The following CDK14 variants were observed in gnomAD, a reference collection of about 807,000 sequenced individuals.
CDK14 encodes the protein cyclin-dependent kinase 14.
CDK14 carries 34 observed loss-of-function variants against 60.7 expected under a neutral mutation model. The ratio of observed to expected loss-of-function variants is 0.56; its 90% CI spans 0.43 to 0.75. The LOEUF (loss-of-function observed/expected upper bound fraction) is 0.75, where lower values mean the gene tolerates loss of function less well. CDK14 is among the 30% of genes least tolerant of loss of function. The pLI is 0.00. For synonymous variants in CDK14, 197 were observed against 203.7 expected, an observed-to-expected ratio of 0.97 and a Z score of 0.28; for missense variants, 482 against 564.1, an observed-to-expected ratio of 0.85 and a Z score of 1.47.
At chr7:90,760,286 TG>T (rs1450717660) in intron 4 of CDK14, among the ~76,000 whole-genome samples, 3 of 152,190 alleles carry the variant, frequency 2.0e-5, no homozygotes, top group Non-Finnish European at 4.4e-5. Flanking sequence ...TTTCACAATA[TG>T]TGAGATTAAA....
intron 2 of CDK14, among the ~76,000 whole-genome samples, chr7:90,628,182 C>G (rs574811328): frequency 8.0e-4 from 122 of 152,240 alleles, no homozygotes; most frequent in South Asian, 3.1e-3. Context: ...GTCTTGAACT[C>G]CTGGACTCAA....
chr7:90,798,755 A>G (rs1788529360), intron 5 of CDK14, among the ~76,000 whole-genome samples: 1 of 152,210 alleles, frequency 6.6e-6, no homozygotes. Context: ...TTTGAATTTT[A>G]TCTCTCATTG....
chr7:91,159,410 GT>G (rs1473400057), intron 14 of CDK14, among the ~76,000 whole-genome samples: 1 of 152,188 alleles, frequency 6.6e-6, no homozygotes, highest in Non-Finnish European at 1.5e-5. Context: ...TACTGCCTCA[GT>G]GGTGAAAATA....
At chr7:90,801,181 T>C (rs886522320) in intron 5 of CDK14, among the ~76,000 whole-genome samples, 1 of 152,220 alleles carries the variant, frequency 6.6e-6, no homozygotes, top group African/African-American at 2.4e-5. Flanking sequence ...TAGGTCATAA[T>C]GGACTGGGAC....
At chr7:90,736,173 T>G (rs1803094992) in intron 3 of CDK14, among the ~76,000 whole-genome samples, 1 of 151,850 alleles carries the variant, frequency 6.6e-6, no homozygotes, top group African/African-American at 2.4e-5. Context: ...CCAGTCCCAG[T>G]GAGATGAACC....
intron 4 of CDK14, among the ~76,000 whole-genome samples, chr7:90,777,348 A>T (rs1164231190): frequency 6.6e-6 from 1 of 152,196 alleles, no homozygotes; most frequent in African/African-American, 2.4e-5. Context: ...CACTCAAAAT[A>T]GTTGAAAAAC....
chr7:91,116,692 G>C (rs949200639), intron 13 of CDK14, among the ~76,000 whole-genome samples: 2 of 152,072 alleles, frequency 1.3e-5, no homozygotes, highest in Non-Finnish European at 2.9e-5. Flanking sequence ...ACAACGCCTG[G>C]CTTTCGAAGT....
intron 4 of CDK14, among the ~76,000 whole-genome samples, chr7:90,761,427 G>A (rs1804307773): frequency 1.3e-5 from 2 of 151,952 alleles, no homozygotes; most frequent in African/African-American, 4.8e-5. Flanking sequence ...CTCCCAAAGT[G>A]GTTTTTGAGG....
At chr7:90,695,941 G>A (rs971239838) in intron 2 of CDK14, among the ~76,000 whole-genome samples, 3 of 152,140 alleles carry the variant, frequency 2.0e-5, no homozygotes, top group African/African-American at 7.2e-5. Flanking sequence ...GAGCTTTTGA[G>A]CAGGATGGTG....
chr7:91,116,955 T>A (rs1356004711), intron 13 of CDK14, among the ~76,000 whole-genome samples: 1 of 151,548 alleles, frequency 6.6e-6, no homozygotes, highest in Non-Finnish European at 1.5e-5. Context: ...GGAGCCTAGA[T>A]GATCTCATCC....
At chr7:90,702,944 A>G (rs1801819058) in intron 2 of CDK14, among the ~76,000 whole-genome samples, 1 of 152,058 alleles carries the variant, frequency 6.6e-6, no homozygotes, top group African/African-American at 2.4e-5. Context: ...AAGCTGGGAC[A>G]AAGTCCCTAA....
At chr7:90,800,118 C>T (rs1223350987) in intron 5 of CDK14, among the ~76,000 whole-genome samples, 1 of 152,096 alleles carries the variant, frequency 6.6e-6, no homozygotes, top group Non-Finnish European at 1.5e-5. Context: ...TGAGTATTCC[C>T]ATGTGCTTTA....
chr7:91,042,357 T>A (rs1466460026), intron 10 of CDK14, among the ~76,000 whole-genome samples: 1 of 152,094 alleles, frequency 6.6e-6, no homozygotes, highest in Non-Finnish European at 1.5e-5. Context: ...CATTTCTCCC[T>A]GCACCCAGGG....
chr7:90,833,985 A>G (rs186921627), intron 5 of CDK14, among the ~76,000 whole-genome samples: 37 of 152,300 alleles, frequency 2.4e-4, no homozygotes, highest in African/African-American at 8.7e-4. Context: ...CATTTAGACC[A>G]ATTTACCCAA....
chr7:90,749,341 C>T (rs1181943566), intron 4 of CDK14, among the ~76,000 whole-genome samples: 2 of 152,102 alleles, frequency 1.3e-5, no homozygotes, highest in Admixed American at 6.5e-5. Context: ...AAAGCACCTG[C>T]TCACCTCATC....
chr7:91,119,929 T>C (rs765646938), intron 14 of CDK14, among the ~76,000 whole-genome samples: 24 of 152,178 alleles, frequency 1.6e-4, no homozygotes, highest in Non-Finnish European at 3.2e-4. Flanking sequence ...TGAATTTCAA[T>C]TGGTCAGACA....
chr7:90,918,721 T>C (rs1057081449), intron 8 of CDK14, among the ~76,000 whole-genome samples: 2 of 152,222 alleles, frequency 1.3e-5, no homozygotes, highest in African/African-American at 4.8e-5. Flanking sequence ...GGGCTTTTGC[T>C]GAAATATGAT....
At chr7:91,072,153 C>A (rs1005812077) in intron 11 of CDK14, among the ~76,000 whole-genome samples, 1 of 152,200 alleles carries the variant, frequency 6.6e-6, no homozygotes, top group African/African-American at 2.4e-5. Context: ...ACACCCCCTC[C>A]ACCAAGGGAC....
chr7:91,187,452 T>C (rs1285587840), intron 14 of CDK14, among the ~76,000 whole-genome samples: 1 of 152,202 alleles, frequency 6.6e-6, no homozygotes, highest in Admixed American at 6.5e-5. Context: ...TTTTATTTGT[T>C]AAGAATTGTA....
Sources: allele counts gnomAD v4.1 joint callset (sites outside exome capture counted in the v4.1 genomes callset), GRCh38; gene constraint gnomAD v4.1.1; transcripts MANE v1.5; gene names NCBI Gene and HGNC (gene_info 2026-07-23, HGNC 2026-07-21).